CDH4: variants seen among roughly 807,000 people sequenced by gnomAD.
CDH4 encodes the protein cadherin 4, also known as cadherin-4.
In CDH4, 33 loss-of-function variants were observed where a neutral mutation model predicts 86.0. The ratio of observed to expected loss-of-function variants is 0.38; its 90% CI spans 0.29 to 0.51. CDH4 has a LOEUF of 0.51. Ranked by LOEUF, CDH4 falls within the 20% of genes least tolerant of loss-of-function variation. The pLI, the probability that CDH4 is intolerant of heterozygous loss-of-function variation, is 0.86. For missense variants in CDH4, 1,114 were observed against 1,307.4 expected (o/e 0.85, Z 2.28); for synonymous variants, 555 against 549.4 (o/e 1.01, Z -0.14).
chr20:61,851,673 A>C (rs1251949587), intron 5 of CDH4, among the ~76,000 whole-genome samples: 1 of 152,032 alleles, frequency 6.6e-6, no homozygotes, highest in Admixed American at 6.5e-5. Context: ...GAGGCCTCGG[A>C]TGTGCCCTTT....
intron 2 of CDH4, among the ~76,000 whole-genome samples, chr20:61,295,134 A>G (rs2427041): frequency 1.3e-5 from 2 of 152,148 alleles, no homozygotes; most frequent in Admixed American, 1.3e-4. Context: ...ACACATTTGC[A>G]TGTATTGATT....
chr20:61,704,070 G>A (rs1041018710), intron 2 of CDH4, among the ~76,000 whole-genome samples: 1 of 151,994 alleles, frequency 6.6e-6, no homozygotes, highest in African/African-American at 2.4e-5. Context: ...CCTGGAAGAA[G>A]CAGCAGAATT....
intron 2 of CDH4, chr20:61,719,011 G>A (rs189955198): frequency 6.4e-6 from 3 of 471,216 alleles, no homozygotes; most frequent in Admixed American, 2.3e-5. Context: ...TCAGCATCAC[G>A]AGTGGCTCTA....
At chr20:61,836,066 T>A (rs1374919395) in intron 4 of CDH4, among the ~76,000 whole-genome samples, 1 of 152,230 alleles carries the variant, frequency 6.6e-6, no homozygotes, top group South Asian at 2.1e-4. Flanking sequence ...AAGGGCTCCA[T>A]CTGTGTTTCC....
intron 6 of CDH4, among the ~76,000 whole-genome samples, chr20:61,855,278 C>T (rs890186320): frequency 6.6e-6 from 1 of 152,120 alleles, no homozygotes. Context: ...GGGTGAATTG[C>T]ACCCTTGATT....
At chr20:61,767,956 C>T (rs1229958316) in intron 3 of CDH4, among the ~76,000 whole-genome samples, 1 of 152,188 alleles carries the variant, frequency 6.6e-6, no homozygotes, top group African/African-American at 2.4e-5. Context: ...TCCCAGGTGT[C>T]CGTGAGTGGA....
chr20:61,297,879 G>A (rs1194661471), intron 2 of CDH4, among the ~76,000 whole-genome samples: 3 of 152,234 alleles, frequency 2.0e-5, no homozygotes, highest in Non-Finnish European at 2.9e-5. Context: ...ATATTATGGC[G>A]CTGTGGAGCG....
At chr20:61,715,993 T>C (rs1210134580) in intron 2 of CDH4, among the ~76,000 whole-genome samples, 2 of 152,242 alleles carry the variant, frequency 1.3e-5, no homozygotes, top group Non-Finnish European at 2.9e-5. Context: ...CGGCCAGACA[T>C]GCCTGGCCAC....
chr20:61,824,069 A>G (rs1055171124), intron 4 of CDH4, among the ~76,000 whole-genome samples: 1 of 152,190 alleles, frequency 6.6e-6, no homozygotes, highest in Admixed American at 6.5e-5. Flanking sequence ...ACTGTTTTCT[A>G]CCAGATGTCT....
rs555966982 is a variant in CDH4, at chr20:61,531,848, C to T, written c.170-211715C>T. 6.3e-4 allele frequency among the ~76,000 whole-genome samples: 96 copies of T among 152,350 alleles called. 3 individuals are homozygous for T. The South Asian group carries it at 0.018, about 28-fold the overall frequency. On this transcript the variant is annotated intron_variant, in intron 2 of 15. Coordinates refer to ENST00000614565, the MANE Select transcript of CDH4 (RefSeq NM_001794.5). ...TGTGGAAACTCACTTCGACCAACAC[C>T]GGTTGGGGAAGCACAATTTTAAAAG...
intron 2 of CDH4, among the ~76,000 whole-genome samples, chr20:61,278,767 T>TC (rs2123157740): frequency 6.6e-6 from 1 of 152,252 alleles, no homozygotes; most frequent in Admixed American, 6.5e-5. Context: ...TGGCTCCCCC[T>TC]CCCCAGTCTG....
At chr20:61,913,073 G>A (rs1299254271) in intron 9 of CDH4, among the ~76,000 whole-genome samples, 1 of 152,126 alleles carries the variant, frequency 6.6e-6, no homozygotes, top group Non-Finnish European at 1.5e-5. Flanking sequence ...ATTCCAAGGA[G>A]GTATCTCTGA....
chr20:61,858,485 GTGTC>G (rs1376936838), intron 6 of CDH4, among the ~76,000 whole-genome samples: 1 of 151,540 alleles, frequency 6.6e-6, no homozygotes. Context: ...CTGTGTCTCT[GTGTC>G]TGTATGTGTG....
intron 9 of CDH4, among the ~76,000 whole-genome samples, chr20:61,920,276 ATGATTGTGTGGAAGCATGGTATCG>A (rs1568887975): frequency 2.9e-5 from 2 of 68,182 alleles, no homozygotes; most frequent in South Asian, 5.2e-4. Context: ...GAAGCGTGTC[ATGATTGTGTGGAAGCATGGTATCG>A]TGATTGTGTG....
intron 2 of CDH4, among the ~76,000 whole-genome samples, chr20:61,390,541 A>C (rs1409947078): frequency 9.5e-5 from 14 of 147,690 alleles, no homozygotes; most frequent in Non-Finnish European, 1.8e-4. Context: ...TAGGGTGCCC[A>C]TAGCGCCATG....
At chr20:61,476,805 A>G (rs1285541114) in intron 2 of CDH4, among the ~76,000 whole-genome samples, 2 of 152,256 alleles carry the variant, frequency 1.3e-5, no homozygotes, top group Non-Finnish European at 2.9e-5. Context: ...ATGTCTGTGC[A>G]TGGATCCCAG....
At chr20:61,273,041 G>T (rs1196765098) in intron 2 of CDH4, among the ~76,000 whole-genome samples, 2 of 68,170 alleles carry the variant, frequency 2.9e-5, no homozygotes. Context: ...TTTGGGGGAG[G>T]ACCACGTGCA....
At chr20:61,386,891 G>C (rs536330285) in intron 2 of CDH4, among the ~76,000 whole-genome samples, 3 of 152,198 alleles carry the variant, frequency 2.0e-5, no homozygotes, top group Non-Finnish European at 2.9e-5. Context: ...CCCGGAGCCC[G>C]GGGGGAGGAG....
chr20:61,799,479 T>C (rs777613356), intron 4 of CDH4, among the ~76,000 whole-genome samples: 1 of 151,572 alleles, frequency 6.6e-6, no homozygotes, highest in Non-Finnish European at 1.5e-5. Flanking sequence ...CCGTTAACCA[T>C]TGGCACCTGT....
Sources: allele counts gnomAD v4.1 joint callset (sites outside exome capture counted in the v4.1 genomes callset), GRCh38; gene constraint gnomAD v4.1.1; transcripts MANE v1.5; gene names NCBI Gene and HGNC (gene_info 2026-07-23, HGNC 2026-07-21).